RBMS3: variants seen among roughly 807,000 people sequenced by gnomAD.
RBMS3 encodes RNA binding motif single stranded interacting protein 3.
In RBMS3, 27 loss-of-function variants were observed where a neutral mutation model predicts 66.8. The ratio of observed to expected loss-of-function variants is 0.40; its 90% CI spans 0.30 to 0.56. The LOEUF (loss-of-function observed/expected upper bound fraction) is 0.56. Among genes scored for constraint, RBMS3 ranks in the 20% least tolerant of loss-of-function variants. RBMS3 has a pLI of 0.40. For missense variants in RBMS3, 513 were observed against 549.5 expected, an observed-to-expected ratio of 0.93 and a Z score of 0.66; for synonymous variants, 188 against 183.0, an observed-to-expected ratio of 1.03 and a Z score of -0.22.
chr3:29,542,228 A>G (rs938826903), intron 3 of RBMS3, among the ~76,000 whole-genome samples: 2 of 152,122 alleles, frequency 1.3e-5, no homozygotes, highest in Non-Finnish European at 2.9e-5. Context: ...AATAATAACT[A>G]TCCCCCTTTT....
chr3:29,490,123 A>T (rs1443786730), intron 3 of RBMS3, among the ~76,000 whole-genome samples: 1 of 149,170 alleles, frequency 6.7e-6, no homozygotes, highest in Non-Finnish European at 1.5e-5. Flanking sequence ...TTTAAATGAT[A>T]TCCTGGATAT....
intron 3 of RBMS3, among the ~76,000 whole-genome samples, chr3:29,557,696 G>C (rs1334532108): frequency 6.6e-6 from 1 of 152,106 alleles, no homozygotes; most frequent in Non-Finnish European, 1.5e-5. Flanking sequence ...GAGCATACAG[G>C]TGGCCTAAAG....
At chr3:29,551,665 A>G (rs2046183449) in intron 3 of RBMS3, among the ~76,000 whole-genome samples, 1 of 152,222 alleles carries the variant, frequency 6.6e-6, no homozygotes, top group African/African-American at 2.4e-5. Flanking sequence ...GAGGAATAAT[A>G]TGGAAGATGC....
intron 12 of RBMS3, among the ~76,000 whole-genome samples, chr3:29,945,305 T>G (rs1431922745): frequency 1.3e-5 from 2 of 151,706 alleles, no homozygotes; most frequent in African/African-American, 4.8e-5. Context: ...ACCCAGCATC[T>G]GAAGGGTAAT....
chr3:29,975,505 C>G (rs1040247846), intron 12 of RBMS3, among the ~76,000 whole-genome samples: 1 of 151,722 alleles, frequency 6.6e-6, no homozygotes, highest in African/African-American at 2.4e-5. Context: ...TTTCTAATGA[C>G]CAGTGAGTGA....
chr3:29,560,481 C>G (rs567458079), intron 3 of RBMS3, among the ~76,000 whole-genome samples: 3 of 152,260 alleles, frequency 2.0e-5, no homozygotes, highest in African/African-American at 7.2e-5. Flanking sequence ...ACATACATCA[C>G]CAAAGACAAA....
chr3:29,580,949 G>C (rs975887243), intron 3 of RBMS3, among the ~76,000 whole-genome samples: 2 of 152,118 alleles, frequency 1.3e-5, no homozygotes, highest in Admixed American at 1.3e-4. Context: ...TGTTCAGGCA[G>C]TCCATATGTG....
intron 1 of RBMS3, among the ~76,000 whole-genome samples, chr3:29,312,580 G>A (rs1162234727): frequency 6.6e-6 from 1 of 151,390 alleles, no homozygotes; most frequent in Non-Finnish European, 1.5e-5. Flanking sequence ...TCTTCTTTTT[G>A]CATTTATATC....
intron 1 of RBMS3, among the ~76,000 whole-genome samples, chr3:29,355,550 T>C (rs1559511718): frequency 2.0e-5 from 3 of 146,486 alleles, no homozygotes; most frequent in Admixed American, 1.4e-4. Context: ...GGAAAATATA[T>C]ACAGCAAGAA....
At chr3:29,880,369 GTGTGACATTTTCATTT>G (rs1463665964) in intron 7 of RBMS3, among the ~76,000 whole-genome samples, 2 of 152,068 alleles carry the variant, frequency 1.3e-5, no homozygotes, top group Admixed American at 6.5e-5. Flanking sequence ...TACATACATG[GTGTGACATTTTCATTT>G]TGTTCCAAGG....
intron 6 of RBMS3, among the ~76,000 whole-genome samples, chr3:29,826,331 T>C (rs1010092867): frequency 1.3e-5 from 2 of 152,152 alleles, no homozygotes; most frequent in African/African-American, 4.8e-5. Flanking sequence ...ATCAGAAATA[T>C]CCTTTTTTAT....
intron 5 of RBMS3, among the ~76,000 whole-genome samples, chr3:29,762,332 C>T (rs994963401): frequency 8.6e-5 from 9 of 104,290 alleles, no homozygotes; most frequent in South Asian, 3.0e-4. Flanking sequence ...ATAATGCTGA[C>T]GACTACATTA....
chr3:29,397,769 G>A (rs1213813696), intron 1 of RBMS3, among the ~76,000 whole-genome samples: 1 of 151,778 alleles, frequency 6.6e-6, no homozygotes, highest in Non-Finnish European at 1.5e-5. Context: ...GGCTGGATTC[G>A]AACTCCTGGG....
intron 10 of RBMS3, among the ~76,000 whole-genome samples, chr3:29,926,147 C>A (rs79374449): frequency 0.19 from 28,624 of 152,024 alleles, 3,142 homozygotes; most frequent in East Asian, 0.47. Context: ...CAGCATTAGA[C>A]CACAGAACAT....
intron 6 of RBMS3, among the ~76,000 whole-genome samples, chr3:29,825,356 T>TCATTTTATCTCTCA (rs1436825234): frequency 1.3e-5 from 2 of 152,056 alleles, no homozygotes; most frequent in African/African-American, 4.8e-5. Flanking sequence ...TTTTTATGTG[T>TCATTTTATCTCTCA]TGTACATGAG....
chr3:29,891,379 G>A (rs941659237), intron 8 of RBMS3, among the ~76,000 whole-genome samples: 1 of 151,424 alleles, frequency 6.6e-6, no homozygotes, highest in African/African-American at 2.4e-5. Flanking sequence ...GACTCTGAAG[G>A]GTAGAGAGAA....
intron 3 of RBMS3, among the ~76,000 whole-genome samples, chr3:29,578,195 A>G (rs940157272): frequency 5.3e-5 from 8 of 152,212 alleles, no homozygotes; most frequent in Admixed American, 3.3e-4. Flanking sequence ...TTGCCTTTCC[A>G]GGTAGGACCA....
chr3:29,491,843 A>T (rs147193451), intron 3 of RBMS3, among the ~76,000 whole-genome samples: 3,861 of 152,290 alleles, frequency 0.025, 69 homozygotes, highest in Middle Eastern at 0.044. Context: ...ACTATAAAAA[A>T]TTAGCCGGGC....
intron 6 of RBMS3, among the ~76,000 whole-genome samples, chr3:29,830,869 G>A (rs575422221): frequency 6.6e-6 from 1 of 152,224 alleles, no homozygotes; most frequent in Non-Finnish European, 1.5e-5. Flanking sequence ...AGCACAGGGT[G>A]CTACACTGTT....
Sources: allele counts gnomAD v4.1 joint callset (sites outside exome capture counted in the v4.1 genomes callset), GRCh38; gene constraint gnomAD v4.1.1; transcripts MANE v1.5; gene names NCBI Gene and HGNC (gene_info 2026-07-23, HGNC 2026-07-21).